HERC2: variants seen among roughly 807,000 people sequenced by gnomAD.
HERC2 encodes HECT and RLD domain containing E3 ubiquitin protein ligase 2, also known as E3 ubiquitin-protein ligase HERC2.
In HERC2, 102 loss-of-function variants were observed where a neutral mutation model predicts 537.7. The ratio of observed to expected loss-of-function variants is 0.19; its 90% CI spans 0.16 to 0.22. The LOEUF (loss-of-function observed/expected upper bound fraction) is 0.22, where lower values mean the gene tolerates loss of function less well. Among genes scored for constraint, HERC2 ranks in the 10% least tolerant of loss-of-function variants. The pLI is 1.00. For missense variants in HERC2, 4,236 were observed against 6,198.2 expected, an observed-to-expected ratio of 0.68 and a Z score of 10.63; for synonymous variants, 2,224 against 2,466.2, an observed-to-expected ratio of 0.90 and a Z score of 2.91.
rs544627510 is a variant in HERC2, at chr15:28,290,776, A to C, written c.322+2112T>G. Among the ~76,000 whole-genome samples the C allele has an allele frequency of 5.0e-4, 76 of 152,370 alleles. No individual in the cohort carries two copies. The East Asian group carries it at 0.01, about 20-fold the overall frequency. ...TTTCAACTGAATGAAGATGAAAATG[A>C]ATAAACATTTCCAAATTTGTGAAAT... On this transcript the variant is annotated intron_variant, in intron 4 of 92. Coordinates refer to ENST00000261609, the MANE Select transcript of HERC2 (RefSeq NM_004667.6).
At chr15:28,319,911 G>C (rs574693836) in intron 2 of HERC2, among the ~76,000 whole-genome samples, 1 of 152,288 alleles carries the variant, frequency 6.6e-6, no homozygotes, top group South Asian at 2.1e-4. Context: ...AACTTTGCCT[G>C]AATCTCAGGA....
intron 83 of HERC2, 96 bp downstream of exon 83, chr15:28,130,067 C>T: frequency 1.3e-6 from 2 of 1,483,808 alleles, no homozygotes; most frequent in East Asian, 2.3e-5. Flanking sequence ...GCCACCACAC[C>T]TGGCCTGTGC....
intron 19 of HERC2, among the ~76,000 whole-genome samples, chr15:28,255,526 G>T (rs1426428161): frequency 6.6e-6 from 1 of 152,124 alleles, no homozygotes; most frequent in Non-Finnish European, 1.5e-5. Flanking sequence ...TAGTTATATT[G>T]CTGCGACACT....
intron 5 of HERC2, among the ~76,000 whole-genome samples, chr15:28,277,477 AAG>A (rs58670424): frequency 9.1e-4 from 134 of 147,906 alleles, no homozygotes; most frequent in African/African-American, 3.2e-3. Flanking sequence ...AAAAAAAAAA[AAG>A]GGGCTTTTTT....
chr15:28,274,577 G>A (rs1481451352), intron 6 of HERC2, 130 bp from the exon 7 acceptor site: 14 of 908,388 alleles, frequency 1.5e-5, no homozygotes, highest in African/African-American at 6.7e-5. Flanking sequence ...AAAATCTAGC[G>A]CAGCTGCTCC....
chr15:28,256,641 A>G (rs1240218458), intron 17 of HERC2, among the ~76,000 whole-genome samples: 1 of 152,036 alleles, frequency 6.6e-6, no homozygotes, highest in Non-Finnish European at 1.5e-5. Context: ...CTCAACCAAA[A>G]AAGCTGCCAC....
chr15:28,245,662 C>T (rs999111276), intron 23 of HERC2, among the ~76,000 whole-genome samples: 1 of 149,516 alleles, frequency 6.7e-6, no homozygotes, highest in African/African-American at 2.5e-5. Context: ...CTCATATATA[C>T]ACACACACAC....
At chr15:28,197,409 C>A (rs1006219535) in intron 50 of HERC2, among the ~76,000 whole-genome samples, 9 of 152,150 alleles carry the variant, frequency 5.9e-5, no homozygotes, top group Non-Finnish European at 1.0e-4. Context: ...GTTCCTAATT[C>A]CCATCATTAG....
rs1887607029 is a variant in HERC2, at chr15:28,111,107, A to G, written c.*656T>C. On this transcript the variant is annotated 3_prime_UTR_variant, in exon 93 of 93. Transcript: ENST00000261609. ...CATATACATGACACAAACATTATAT[A>G]TAGTACACTTTCCATGATAGAAGTT... The G allele has an allele frequency of 6.6e-6, 1 of 152,330 alleles. No homozygotes were observed. Among genetic ancestry groups the G allele is most frequent in the South Asian group, 2.1e-4 (1 of 4,836 alleles). 9.4% of individuals were successfully genotyped at this position (152,330 alleles called of 1,614,324 possible).
chr15:28,164,949 A>G (rs1486946842), intron 68 of HERC2, among the ~76,000 whole-genome samples: 1 of 152,276 alleles, frequency 6.6e-6, no homozygotes, highest in Non-Finnish European at 1.5e-5. Flanking sequence ...TCTGTAGGAC[A>G]TATTTTCTGC....
intron 64 of HERC2, 132 bp downstream of exon 64, chr15:28,175,380 T>C (rs770304736): frequency 2.1e-5 from 19 of 889,840 alleles, no homozygotes; most frequent in Non-Finnish European, 2.9e-5. Flanking sequence ...CCCGCCCTCA[T>C]GGTTCTCCAA....
At chr15:28,306,322 A>G (rs542703212) in intron 2 of HERC2, among the ~76,000 whole-genome samples, 1 of 152,364 alleles carries the variant, frequency 6.6e-6, no homozygotes, top group East Asian at 1.9e-4. Flanking sequence ...ATGAATTTAA[A>G]TGATCATATG....
At chr15:28,116,222 CTTTTTTTTTT>C (rs11365574) in intron 88 of HERC2, among the ~76,000 whole-genome samples, 2 of 126,514 alleles carry the variant, frequency 1.6e-5, no homozygotes, top group South Asian at 2.6e-4. Context: ...TTTTCTTTTT[CTTTTTTTTTT>C]TTTTTTTGAT....
intron 71 of HERC2, among the ~76,000 whole-genome samples, chr15:28,145,145 G>T (rs756219214): frequency 1.3e-5 from 2 of 152,236 alleles, no homozygotes; most frequent in Non-Finnish European, 2.9e-5. Context: ...GCACACACCA[G>T]GCCAGGGGCC....
intron 69 of HERC2, among the ~76,000 whole-genome samples, chr15:28,160,360 T>C (rs577295556): frequency 3.2e-4 from 49 of 152,338 alleles, no homozygotes; most frequent in African/African-American, 1.1e-3. Flanking sequence ...GCAGGCCTCC[T>C]TGAGCTGCGG....
intron 35 of HERC2, among the ~76,000 whole-genome samples, chr15:28,222,999 C>G (rs1190661048): frequency 6.6e-6 from 1 of 152,126 alleles, no homozygotes; most frequent in Admixed American, 6.5e-5. Flanking sequence ...TGATTTTGCT[C>G]TGTGTGCCTT....
intron 9 of HERC2, among the ~76,000 whole-genome samples, chr15:28,271,287 AC>A (rs1160187200): frequency 2.0e-5 from 3 of 152,224 alleles, no homozygotes; most frequent in Admixed American, 2.0e-4. Flanking sequence ...ACTCTGGAGA[AC>A]ACCTACTTTC....
intron 5 of HERC2, among the ~76,000 whole-genome samples, chr15:28,276,481 T>C (rs1238823904): frequency 1.3e-5 from 2 of 152,108 alleles, no homozygotes; most frequent in African/African-American, 2.4e-5. Context: ...AGAAAGCACA[T>C]GGGCCAAGTG....
intron 65 of HERC2, among the ~76,000 whole-genome samples, chr15:28,174,102 T>C (rs1467431459): frequency 2.6e-5 from 4 of 152,104 alleles, no homozygotes; most frequent in Non-Finnish European, 1.5e-5. Flanking sequence ...AAGAGCCCAG[T>C]ACAGTGCCTG....
Sources: gnomAD v4.1 joint callset for allele counts (sites outside exome capture counted in the v4.1 genomes callset) on GRCh38, gnomAD v4.1.1 for gene constraint, MANE v1.5 for transcripts, NCBI Gene and HGNC (gene_info 2026-07-23, HGNC 2026-07-21) for gene names.